The following PLCL1 variants were observed in gnomAD, a reference collection of about 807,000 sequenced individuals.
PLCL1 encodes the protein inactive phospholipase C-like protein 1.
PLCL1 carries 41 observed loss-of-function variants against 84.4 expected under a neutral mutation model. That is an observed-to-expected ratio of 0.49 (90% CI 0.38 to 0.63). The LOEUF is 0.63. PLCL1 is among the 30% of genes least tolerant of loss of function. The pLI is 0.00. For missense variants in PLCL1, 1,206 were observed against 1,367.8 expected (o/e 0.88, Z 1.87); for synonymous variants, 490 against 488.3 (o/e 1.00, Z -0.05).
intron 1 of PLCL1, among the ~76,000 whole-genome samples, chr2:197,926,267 T>C (rs1193813668): frequency 6.6e-6 from 1 of 152,182 alleles, no homozygotes. Context: ...GACTCAGGAA[T>C]AAGTAGTGAC....
chr2:197,890,682 C>CTATATATATATATATATATATA (rs1553500076), intron 1 of PLCL1, among the ~76,000 whole-genome samples: 13 of 116,172 alleles, frequency 1.1e-4, no homozygotes, highest in African/African-American at 3.8e-4. Context: ...TATTTTTTTG[C>CTATATATATATATATATATATA]TATATATATA....
At chr2:197,848,629 G>A (rs548651391) in intron 1 of PLCL1, among the ~76,000 whole-genome samples, 59 of 152,260 alleles carry the variant, frequency 3.9e-4, no homozygotes, top group Middle Eastern at 3.4e-3. Flanking sequence ...ACATTTTGTG[G>A]CAAGTTATCT....
chr2:198,046,414 C>T (rs1691792600), intron 1 of PLCL1, among the ~76,000 whole-genome samples: 1 of 152,200 alleles, frequency 6.6e-6, no homozygotes, highest in South Asian at 2.1e-4. Context: ...CTCCAGTCTA[C>T]AGCTCCCAGC....
chr2:197,923,759 G>C (rs1009816619), intron 1 of PLCL1, among the ~76,000 whole-genome samples: 1 of 152,120 alleles, frequency 6.6e-6, no homozygotes, highest in East Asian at 1.9e-4. Context: ...ACGGGGTGGC[G>C]GCCGGGCAGA....
chr2:197,815,706 A>G (rs1043615321), intron 1 of PLCL1, among the ~76,000 whole-genome samples: 2 of 152,118 alleles, frequency 1.3e-5, no homozygotes, highest in Non-Finnish European at 2.9e-5. Context: ...CATTAGCAGG[A>G]ATTTGGAAGA....
At chr2:197,975,767 C>T (rs1184134045) in intron 1 of PLCL1, among the ~76,000 whole-genome samples, 1 of 152,154 alleles carries the variant, frequency 6.6e-6, no homozygotes, top group African/African-American at 2.4e-5. Context: ...ATTTGTGCCA[C>T]TGAACTCCAG....
Position 198,103,859 on chromosome 2 carries a change from G to C in PLCL1, c.3028G>C (p.Gly1010Arg). The C allele has an allele frequency of 6.2e-7, 1 of 1,605,170 alleles. No individual in the cohort carries two copies. Residue 1010 changes from glycine (G) to arginine (R), a missense_variant, in exon 5 of 6, where the codon GGG becomes CGG. Transcript: ENST00000428675. Reference sequence around the variant, plus strand: ...GTTCCATGAAGAACTTCATAATTTGGGGGCAAAAGAAGGCTTGAAGGGAAG... The same window carrying C: ...GTTCCATGAAGAACTTCATAATTTGCGGGCAAAAGAAGGCTTGAAGGGAAG... Reference protein sequence around the residue: ...MEFHEELHNLGAKEGLKGRKL... With the variant: ...MEFHEELHNLRAKEGLKGRKL...
intron 5 of PLCL1, among the ~76,000 whole-genome samples, chr2:198,143,817 TTTATATCATG>T (rs1694448566): frequency 6.6e-6 from 1 of 152,072 alleles, no homozygotes; most frequent in Admixed American, 6.6e-5. Context: ...AAAACAGAAG[TTTATATCATG>T]TTTCAATGTA....
At chr2:197,909,581 A>C (rs1332700667) in intron 1 of PLCL1, among the ~76,000 whole-genome samples, 1 of 152,122 alleles carries the variant, frequency 6.6e-6, no homozygotes, top group East Asian at 1.9e-4. Flanking sequence ...GAATCAAGGC[A>C]GTGGCTAATC....
At chr2:197,874,257 C>A (rs1687697433) in intron 1 of PLCL1, among the ~76,000 whole-genome samples, 1 of 151,894 alleles carries the variant, frequency 6.6e-6, no homozygotes, top group African/African-American at 2.4e-5. Flanking sequence ...ATTCTATTTT[C>A]TTTAGATTAT....
At chr2:197,984,021 T>C (rs757678307) in intron 1 of PLCL1, among the ~76,000 whole-genome samples, 2 of 152,238 alleles carry the variant, frequency 1.3e-5, no homozygotes, top group Non-Finnish European at 2.9e-5. Flanking sequence ...GAAATACAAC[T>C]AGCAGTTGTA....
rs572637362 is a variant in PLCL1 at position 198,108,867 on chromosome 2, G to A, written c.3105+4931G>A. Among the ~76,000 whole-genome samples the A allele has an allele frequency of 3.0e-4, 46 of 151,962 alleles. 1 individual carries two copies. In the South Asian group the frequency reaches 9.1e-3, roughly 30 times the overall value. ...CATATGTCTATATCCAACTGTAGCA[G>A]TCAATTTGCTCTTCCTTTCTTTCTT... On this transcript the variant is annotated intron_variant, in intron 5 of 5. Coordinates refer to ENST00000428675, the MANE Select transcript of PLCL1 (RefSeq NM_006226.4).
chr2:198,108,115 A>G (rs761588223), intron 5 of PLCL1, among the ~76,000 whole-genome samples: 2 of 151,904 alleles, frequency 1.3e-5, no homozygotes, highest in Admixed American at 6.6e-5. Context: ...ATTCCCAATT[A>G]ATTCTCCAGA....
intron 1 of PLCL1, among the ~76,000 whole-genome samples, chr2:197,959,690 A>T (rs1210357790): frequency 2.6e-5 from 4 of 152,104 alleles, no homozygotes; most frequent in Non-Finnish European, 5.9e-5. Flanking sequence ...TTGAATTACC[A>T]GAAGTTGCTA....
chr2:198,135,486 T>C (rs1694234656), intron 5 of PLCL1, among the ~76,000 whole-genome samples: 1 of 152,192 alleles, frequency 6.6e-6, no homozygotes, highest in Non-Finnish European at 1.5e-5. Context: ...TTTTATTGAA[T>C]GGTTCTTTTG....
intron 1 of PLCL1, among the ~76,000 whole-genome samples, chr2:198,049,697 T>C (rs189241593): frequency 3.0e-4 from 46 of 152,324 alleles, no homozygotes; most frequent in African/African-American, 1.1e-3. Flanking sequence ...CTGTAAATCA[T>C]AGCATCCTTC....
intron 1 of PLCL1, among the ~76,000 whole-genome samples, chr2:197,832,506 A>G (rs1691088664): frequency 6.6e-6 from 1 of 152,226 alleles, no homozygotes; most frequent in Non-Finnish European, 1.5e-5. Flanking sequence ...TGAGGCAGTA[A>G]TTAATAACCT....
intron 1 of PLCL1, among the ~76,000 whole-genome samples, chr2:197,996,049 A>C (rs544963698): frequency 1.3e-5 from 2 of 152,306 alleles, no homozygotes; most frequent in East Asian, 3.9e-4. Flanking sequence ...AGGGGGCTGC[A>C]TACATCATGT....
In PLCL1 at chr2:198,149,220, C is replaced by A. The variant is rs1270523887; in HGVS notation, c.*2258C>A. Reference sequence around the variant, plus strand: ...GTATTATGCCTCCATGACATTGTTACATTCTATGAGGAGCATCTGTCTCCT... The same window carrying A: ...GTATTATGCCTCCATGACATTGTTAAATTCTATGAGGAGCATCTGTCTCCT... On this transcript the variant is annotated 3_prime_UTR_variant, in exon 6 of 6. Transcript: ENST00000428675. The A allele has an allele frequency of 6.6e-6, 1 of 152,290 alleles. No individual in the cohort carries two copies. The highest frequency in any genetic ancestry group is 2.4e-5 in the African/African-American group (1 of 41,426). 9.4% of individuals were successfully genotyped at this position (152,290 alleles called of 1,614,324 possible).
Sources: allele counts gnomAD v4.1 joint callset (sites outside exome capture counted in the v4.1 genomes callset), GRCh38; gene constraint gnomAD v4.1.1; transcripts MANE v1.5; gene names NCBI Gene and HGNC (gene_info 2026-07-23, HGNC 2026-07-21).